The following TASP1 variants were observed in gnomAD, a reference collection of about 807,000 sequenced individuals.
TASP1 encodes threonine aspartase 1.
TASP1 carries 16 observed loss-of-function variants against 56.6 expected under a neutral mutation model. That is an observed-to-expected ratio of 0.28 (90% confidence interval 0.19 to 0.43). The LOEUF (loss-of-function observed/expected upper bound fraction) is 0.43, where lower values mean the gene tolerates loss of function less well. Ranked by LOEUF, TASP1 falls within the 20% of genes least tolerant of loss-of-function variation. TASP1 has a pLI of 1.00. For missense variants in TASP1, 393 were observed against 511.6 expected (o/e 0.77, Z 2.24); for synonymous variants, 179 against 184.2 (o/e 0.97, Z 0.23).
At chr20:13,226,716 A>G in the TASP1 span, among the ~76,000 whole-genome samples, 2 of 152,182 alleles carry the variant, frequency 1.3e-5, no homozygotes, top group Non-Finnish European at 1.5e-5. Flanking sequence ...ATCCTTAAGG[A>G]GTCTAGCTCA....
chr20:13,307,998 T>C, the TASP1 span, among the ~76,000 whole-genome samples: 1 of 152,198 alleles, frequency 6.6e-6, no homozygotes, highest in African/African-American at 2.4e-5. Flanking sequence ...CCAGTAGTTT[T>C]CCAAAGTGGT....
At chr20:13,188,070 C>T in the TASP1 span, among the ~76,000 whole-genome samples, 1 of 152,010 alleles carries the variant, frequency 6.6e-6, no homozygotes, top group African/African-American at 2.4e-5. Context: ...CCTTTTGCCA[C>T]GTGAAGATGT....
intron 4 of TASP1, among the ~76,000 whole-genome samples, chr20:13,608,298 A>AT (rs995199600): frequency 1.1e-4 from 17 of 151,908 alleles, no homozygotes; most frequent in South Asian, 4.2e-4. Flanking sequence ...CATTTGGGGA[A>AT]TTTTTTTTTG....
intron 11 of TASP1, among the ~76,000 whole-genome samples, chr20:13,475,616 C>T (rs1183418452): frequency 6.6e-6 from 1 of 152,016 alleles, no homozygotes; most frequent in East Asian, 1.9e-4. Flanking sequence ...TTTGGTAGGC[C>T]AGGCATGGTG....
At chr20:13,291,320 C>G in the TASP1 span, among the ~76,000 whole-genome samples, 117 of 152,230 alleles carry the variant, frequency 7.7e-4, no homozygotes, top group South Asian at 2.7e-3. Flanking sequence ...TTAAGGATCT[C>G]TTTACTTGTT....
At chr20:13,330,290 T>C in the TASP1 span, among the ~76,000 whole-genome samples, 1 of 152,196 alleles carries the variant, frequency 6.6e-6, no homozygotes, top group African/African-American at 2.4e-5. Context: ...TCTATTGATA[T>C]AGTCATGTGG....
chr20:13,445,396 A>C (rs2043371649), intron 11 of TASP1, among the ~76,000 whole-genome samples: 1 of 152,222 alleles, frequency 6.6e-6, no homozygotes, highest in African/African-American at 2.4e-5. Flanking sequence ...ACATATTTTG[A>C]AATTCATAAA....
chr20:13,498,460 G>A (rs1352477582), intron 10 of TASP1, among the ~76,000 whole-genome samples: 1 of 151,364 alleles, frequency 6.6e-6, no homozygotes, highest in Admixed American at 6.6e-5. Context: ...CCAGGTTCAA[G>A]CGATTCTAAT....
chr20:13,520,252 C>T (rs910375921), intron 10 of TASP1, among the ~76,000 whole-genome samples: 116 of 152,060 alleles, frequency 7.6e-4, no homozygotes, highest in Non-Finnish European at 1.5e-3. Context: ...TGACTTTCTT[C>T]ACAGAATTGG....
chr20:13,327,764 C>T, the TASP1 span, among the ~76,000 whole-genome samples: 11 of 152,062 alleles, frequency 7.2e-5, no homozygotes, highest in Non-Finnish European at 1.3e-4. Context: ...TGCAGAAAAT[C>T]GAAACTGGAC....
At chr20:13,483,155 C>T (rs6033725) in intron 11 of TASP1, 72 bp downstream of exon 11, 1 of 1,103,676 alleles carries the variant, frequency 9.1e-7, no homozygotes, top group Non-Finnish European at 1.3e-6. Context: ...AATGGAGTAC[C>T]TGACTCATAG....
At chr20:13,336,370 C>A in the TASP1 span, among the ~76,000 whole-genome samples, 3 of 152,166 alleles carry the variant, frequency 2.0e-5, no homozygotes, top group Non-Finnish European at 4.4e-5. Context: ...CCCCGTCCTG[C>A]CCCCTGCCTC....
At chr20:13,589,887 A>G (rs1168413902) in intron 4 of TASP1, among the ~76,000 whole-genome samples, 3 of 152,234 alleles carry the variant, frequency 2.0e-5, no homozygotes, top group Non-Finnish European at 4.4e-5. Context: ...CCTGGGCAAC[A>G]AAGTGAGACC....
At chr20:13,290,665 A>G in the TASP1 span, among the ~76,000 whole-genome samples, 2 of 152,332 alleles carry the variant, frequency 1.3e-5, no homozygotes, top group African/African-American at 4.8e-5. Context: ...CTCAAAACAA[A>G]AAAAGAAAGA....
chr20:13,401,242 G>A (rs548028892), intron 13 of TASP1, among the ~76,000 whole-genome samples: 1 of 152,184 alleles, frequency 6.6e-6, no homozygotes, highest in South Asian at 2.1e-4. Flanking sequence ...CATATAATTT[G>A]TATTTTATAT....
At chr20:13,124,255 C>G in the TASP1 span, among the ~76,000 whole-genome samples, 1 of 151,694 alleles carries the variant, frequency 6.6e-6, no homozygotes, top group African/African-American at 2.4e-5. Flanking sequence ...GACTCCCACA[C>G]ATGTCTAGGA....
chr20:13,422,618 C>T (rs146401100), intron 12 of TASP1, among the ~76,000 whole-genome samples: 4 of 152,308 alleles, frequency 2.6e-5, no homozygotes, highest in African/African-American at 9.6e-5. Context: ...CCCCATGAGA[C>T]ACTACCATCT....
the TASP1 span, among the ~76,000 whole-genome samples, chr20:13,220,938 C>T: frequency 6.6e-6 from 1 of 152,202 alleles, no homozygotes; most frequent in Admixed American, 6.5e-5. Context: ...CTACCCGCGC[C>T]CGTCACAGCG....
chr20:13,287,118 T>C, the TASP1 span, among the ~76,000 whole-genome samples: 4 of 152,196 alleles, frequency 2.6e-5, no homozygotes, highest in African/African-American at 9.7e-5. Flanking sequence ...GTTTGATAGG[T>C]GTATTAGTCT....
Sources: gnomAD v4.1 joint callset for allele counts (sites outside exome capture counted in the v4.1 genomes callset) on GRCh38, gnomAD v4.1.1 for gene constraint, MANE v1.5 for transcripts, NCBI Gene and HGNC (gene_info 2026-07-23, HGNC 2026-07-21) for gene names.